The following PRKN variants were observed in gnomAD, a reference collection of about 807,000 sequenced individuals.
PRKN encodes the protein parkin RBR E3 ubiquitin protein ligase.
In PRKN, 56 loss-of-function variants were observed where a neutral mutation model predicts 59.5. That is an observed-to-expected ratio of 0.94 (90% CI 0.76 to 1.18). The LOEUF (loss-of-function observed/expected upper bound fraction) is 1.18. PRKN is among the 50% of genes most tolerant of loss of function. The pLI is 0.00. For missense variants in PRKN, 657 were observed against 596.4 expected (o/e 1.10, Z -1.06); for synonymous variants, 250 against 222.1 (o/e 1.13, Z -1.12).
chr6:162,402,163 C>T (rs1010481849), intron 2 of PRKN, among the ~76,000 whole-genome samples: 8 of 151,450 alleles, frequency 5.3e-5, no homozygotes, highest in Middle Eastern at 3.4e-3. Context: ...GCACTAGAAT[C>T]GCTTGAACCC....
intron 7 of PRKN, among the ~76,000 whole-genome samples, chr6:161,680,752 TATATATA>T (rs1785300913): frequency 2.4e-4 from 8 of 33,438 alleles, no homozygotes; most frequent in African/African-American, 9.7e-4. Context: ...TATATATATA[TATATATA>T]TATATATATA....
At chr6:162,726,923 T>C (rs1779237198) in intron 1 of PRKN, among the ~76,000 whole-genome samples, 1 of 152,158 alleles carries the variant, frequency 6.6e-6, no homozygotes, top group African/African-American at 2.4e-5. Flanking sequence ...TTTGCTCATC[T>C]TACACATCAA....
chr6:161,794,800 A>G (rs1316548411), intron 6 of PRKN, among the ~76,000 whole-genome samples: 1 of 152,140 alleles, frequency 6.6e-6, no homozygotes, highest in East Asian at 1.9e-4. Flanking sequence ...AGCTTTTTCA[A>G]TAAAACTCCA....
chr6:161,623,029 T>C (rs2128151512), intron 7 of PRKN, among the ~76,000 whole-genome samples: 1 of 152,358 alleles, frequency 6.6e-6, no homozygotes, highest in South Asian at 2.1e-4. Flanking sequence ...CTATTTCATG[T>C]GCTATAGCTA....
intron 7 of PRKN, among the ~76,000 whole-genome samples, chr6:161,777,495 GA>G (rs1789974655): frequency 1.3e-5 from 2 of 151,540 alleles, no homozygotes; most frequent in African/African-American, 4.8e-5. Flanking sequence ...CTAGACGATG[GA>G]AACAGAAAAG....
At chr6:162,650,758 C>T (rs1490342295) in intron 1 of PRKN, among the ~76,000 whole-genome samples, 1 of 152,104 alleles carries the variant, frequency 6.6e-6, no homozygotes, top group Non-Finnish European at 1.5e-5. Flanking sequence ...ATCCTAGAGT[C>T]CAATAATCTT....
chr6:162,402,884 G>A (rs1301270561), intron 2 of PRKN, among the ~76,000 whole-genome samples: 1 of 151,830 alleles, frequency 6.6e-6, no homozygotes, highest in Non-Finnish European at 1.5e-5. Flanking sequence ...ACACTCCTAG[G>A]CTCAAGTCTC....
chr6:161,885,539 C>T (rs1327147753), intron 6 of PRKN, among the ~76,000 whole-genome samples: 1 of 151,898 alleles, frequency 6.6e-6, no homozygotes, highest in Non-Finnish European at 1.5e-5. Flanking sequence ...GTGGCGGGCC[C>T]CTGTAGTCCC....
rs183541230 is a variant in PRKN, at chr6:161,898,378, A to G, written c.734+74924T>C. On this transcript the variant is annotated intron_variant, in intron 6 of 11. Coordinates refer to ENST00000366898, the MANE Select transcript of PRKN (RefSeq NM_004562.3). ...GAAGGTCCCACGAGCAATAATATTT[A>G]CGCATTACATCTGTATATTGCTTTA... 2.2e-4 allele frequency among the ~76,000 whole-genome samples: 34 copies of G among 152,304 alleles called. 1 individual carries two copies. The highest frequency in any genetic ancestry group is 1.9e-3 in the Admixed American group (29 of 15,288).
chr6:161,794,782 C>G (rs1790771754), intron 6 of PRKN, among the ~76,000 whole-genome samples: 1 of 152,166 alleles, frequency 6.6e-6, no homozygotes. Flanking sequence ...GGCGCAACCT[C>G]CCCCATAAGC....
rs1433345403 is a variant in PRKN, at chr6:161,547,476, A to C, written c.1083+1378T>G. 6.6e-6 allele frequency among the ~76,000 whole-genome samples: 1 copy of C among 152,246 alleles called. No homozygotes were observed. Among genetic ancestry groups the C allele is most frequent in the Non-Finnish European group, 1.5e-5 (1 of 68,032 alleles). On this transcript the variant is annotated intron_variant, in intron 9 of 11. Transcript: ENST00000366898. This position sits in a 1 kb window ranked among gnomAD's most constrained non-coding sequence, Gnocchi z 4.0. ...CCTTCAACATTCTTAAAGCAAGGTC[A>C]ACAACCAAATGCAAAAGATGGGCCA...
chr6:161,499,268 C>T lies in PRKN; in HGVS notation c.1083+49586G>A, dbSNP rs540859104. Among the ~76,000 whole-genome samples the T allele has an allele frequency of 6.6e-6, 1 of 152,288 alleles. No individual in the cohort carries two copies. The highest frequency in any genetic ancestry group is 6.5e-5 in the Admixed American group (1 of 15,288). ...AGAATGAGGACACCCTGGGCCTCCA[C>T]TCCTTCCCTTCAGTTGCTATTTGTC... On this transcript the variant is annotated intron_variant, in intron 9 of 11. Transcript: ENST00000366898. The surrounding 1 kb of genome is among the most constrained non-coding windows in gnomAD (Gnocchi z 4.2).
chr6:161,882,301 A>C (rs1372143028), intron 6 of PRKN, among the ~76,000 whole-genome samples: 1 of 152,128 alleles, frequency 6.6e-6, no homozygotes, highest in Admixed American at 6.5e-5. Context: ...TTCTGATGTC[A>C]AAGCAGTAAA....
At chr6:162,717,055 T>A (rs1778757581) in intron 1 of PRKN, among the ~76,000 whole-genome samples, 2 of 152,168 alleles carry the variant, frequency 1.3e-5, no homozygotes, top group Admixed American at 6.5e-5. Context: ...GAAGAGGCTA[T>A]CCTGGTGGCT....
chr6:162,236,333 T>A (rs1399258680), intron 3 of PRKN, among the ~76,000 whole-genome samples: 1 of 152,174 alleles, frequency 6.6e-6, no homozygotes, highest in Non-Finnish European at 1.5e-5. Flanking sequence ...AGGTTCTCTC[T>A]ATCCTCAGAA....
chr6:161,487,903 C>A lies in PRKN; in HGVS notation c.1083+60951G>T, dbSNP rs564589724. Among the ~76,000 whole-genome samples, 1 of 152,120 alleles carries A rather than the reference C, an allele frequency of 6.6e-6. No individual in the cohort carries two copies. Among genetic ancestry groups the A allele is most frequent in the Non-Finnish European group, 1.5e-5 (1 of 67,972 alleles). Reference sequence around the variant, plus strand: ...TCCCCCTACCTTCCTTCCTCTTTTTCTTCCCTCCCGTCATTAAACACATAT... The same window carrying A: ...TCCCCCTACCTTCCTTCCTCTTTTTATTCCCTCCCGTCATTAAACACATAT... On this transcript the variant is annotated intron_variant, in intron 9 of 11. Coordinates refer to ENST00000366898, the MANE Select transcript of PRKN (RefSeq NM_004562.3). The surrounding 1 kb of genome is among the most constrained non-coding windows in gnomAD (Gnocchi z 5.3).
chr6:162,266,298 TTGTGTGTGTGTG>T (rs60841593), intron 2 of PRKN, among the ~76,000 whole-genome samples: 437 of 146,188 alleles, frequency 3.0e-3, no homozygotes, highest in Non-Finnish European at 4.5e-3. Context: ...TACATATATA[TTGTGTGTGTGTG>T]TGTGTGTGTG....
Position 161,569,446 on chromosome 6 carries a change from C to T in PRKN, c.872-30G>A, listed in dbSNP as rs768633445. 3.4e-5 allele frequency: 54 copies of T among 1,587,560 alleles called. No individual in the cohort carries two copies. In the Middle Eastern group the frequency reaches 3.0e-3, roughly 88 times the overall value. On this transcript the variant is annotated intron_variant, in intron 7 of 11. Coordinates refer to ENST00000366898, the MANE Select transcript of PRKN (RefSeq NM_004562.3). ...TGGAAAGAAGAATTAATCACAAAAA[C>T]GTCACTTTCACTCTGTGTGGTTATA... is the stretch of plus-strand genomic sequence containing the variant.
In PRKN at chr6:162,506,551, C is replaced by G. The variant is rs192048197; in HGVS notation, c.8-63078G>C. ...TTGGCAACAGCAAATATGGACTTAC[C>G]TTCTAAGATGTTCTGAGACAAAACA... On this transcript the variant is annotated intron_variant, in intron 1 of 11. Coordinates refer to ENST00000366898, the MANE Select transcript of PRKN (RefSeq NM_004562.3). Among the ~76,000 whole-genome samples the G allele has an allele frequency of 3.6e-3, 555 of 152,204 alleles. 9 individuals are homozygous for G. Among genetic ancestry groups the G allele is most frequent in the Non-Finnish European group, 4.0e-3 (272 of 68,022 alleles).
Sources: gnomAD v4.1 joint callset for allele counts (sites outside exome capture counted in the v4.1 genomes callset) on GRCh38, gnomAD v4.1.1 for gene constraint, Gnocchi (gnomAD v3.1) non-coding constraint, MANE v1.5 for transcripts, NCBI Gene and HGNC (gene_info 2026-07-23, HGNC 2026-07-21) for gene names.